Variants in COMMD1 observed in about 807,000 individuals in gnomAD.
The protein encoded by COMMD1 is copper metabolism domain containing 1.
Under a neutral mutation model 17.2 loss-of-function variants are expected in COMMD1, and 10 were observed. The ratio of observed to expected loss-of-function variants is 0.58; its 90% CI spans 0.36 to 0.99. The LOEUF (loss-of-function observed/expected upper bound fraction) is 0.99. COMMD1 is among the 50% of genes least tolerant of loss of function. COMMD1 has a pLI of 0.01. For synonymous variants in COMMD1, 97 were observed against 91.6 expected, an observed-to-expected ratio of 1.06 and a Z score of -0.34; for missense variants, 270 against 231.8, an observed-to-expected ratio of 1.17 and a Z score of -1.07.
rs375556782 is a variant in COMMD1 at position 61,984,003 on chromosome 2, TAGCC to T, written c.181-16695_181-16692del. Among the ~76,000 whole-genome samples, 302 of 152,324 alleles carry T rather than the reference TAGCC, an allele frequency of 2.0e-3. 2 individuals carry two copies. The highest frequency in any genetic ancestry group is 6.8e-3 in the African/African-American group (284 of 41,584). ...TTCTTCCTTAGTACTGCTTTCACTG[TAGCC>T]AGTAGGTTTTGGTTTGTTGTTGTTG... On this transcript the variant is annotated intron_variant, in intron 1 of 2. Coordinates refer to ENST00000311832, the MANE Select transcript of COMMD1 (RefSeq NM_152516.4).
At chr2:62,078,597 G>A (rs1016549314) in intron 2 of COMMD1, among the ~76,000 whole-genome samples, 6 of 149,106 alleles carry the variant, frequency 4.0e-5, no homozygotes, top group Non-Finnish European at 5.9e-5. Flanking sequence ...GGCCAGGCAC[G>A]GTGGCTCATG....
At chr2:62,082,460 C>T (rs1044296518) in intron 2 of COMMD1, among the ~76,000 whole-genome samples, 1 of 152,198 alleles carries the variant, frequency 6.6e-6, no homozygotes, top group Non-Finnish European at 1.5e-5. Flanking sequence ...TTAGATGACG[C>T]ACCCCATGGT....
chr2:62,120,020 C>A (rs1672702175), intron 2 of COMMD1, among the ~76,000 whole-genome samples: 1 of 151,988 alleles, frequency 6.6e-6, no homozygotes, highest in African/African-American at 2.4e-5. Context: ...CATTTCGAGA[C>A]AGGGTCTCAC....
rs574060089 is a variant in COMMD1, at chr2:62,092,895, G to C, written c.463-42936G>C. Among the ~76,000 whole-genome samples, 17 of 152,306 alleles carry C rather than the reference G, an allele frequency of 1.1e-4. No individual in the cohort carries two copies. In the South Asian group the frequency reaches 3.3e-3, roughly 30 times the overall value. ...GACCAGTGGGAGGGGTTTTGGCCAA[G>C]GGAGGTTAAAAGCCTCTGTCAACTT... On this transcript the variant is annotated intron_variant, in intron 2 of 2. Coordinates refer to ENST00000311832, the MANE Select transcript of COMMD1 (RefSeq NM_152516.4).
chr2:61,986,681 G>A (rs1333159555), intron 1 of COMMD1, among the ~76,000 whole-genome samples: 1 of 148,076 alleles, frequency 6.8e-6, no homozygotes, highest in Non-Finnish European at 1.5e-5. Flanking sequence ...GAATTCTCAT[G>A]CTTCAGCCTC....
At chr2:61,907,192 A>T (rs1006156220) in intron 1 of COMMD1, among the ~76,000 whole-genome samples, 2 of 151,682 alleles carry the variant, frequency 1.3e-5, no homozygotes, top group Non-Finnish European at 2.9e-5. Flanking sequence ...TGCAATCTCC[A>T]CCTCCTGGGG....
intron 1 of COMMD1, among the ~76,000 whole-genome samples, chr2:61,896,928 C>G (rs1669562860): frequency 6.6e-6 from 1 of 150,796 alleles, no homozygotes; most frequent in African/African-American, 2.4e-5. Flanking sequence ...CTCCCAGGTT[C>G]AAGTGATTCT....
chr2:62,020,453 C>T (rs1162690814), intron 2 of COMMD1, among the ~76,000 whole-genome samples: 4 of 152,056 alleles, frequency 2.6e-5, no homozygotes, highest in African/African-American at 9.7e-5. Context: ...GTGTAGATTC[C>T]TCTATCCACT....
chr2:62,043,660 A>G (rs555814781), intron 2 of COMMD1, among the ~76,000 whole-genome samples: 5 of 152,328 alleles, frequency 3.3e-5, no homozygotes, highest in Admixed American at 2.6e-4. Context: ...ACTCTCCTCT[A>G]AAATCTTGCT....
At chr2:61,924,198 C>T (rs1185439930) in intron 1 of COMMD1, among the ~76,000 whole-genome samples, 1 of 152,162 alleles carries the variant, frequency 6.6e-6, no homozygotes, top group Admixed American at 6.5e-5. Context: ...ATGGAGCCAC[C>T]CACTCTTACC....
intron 1 of COMMD1, among the ~76,000 whole-genome samples, chr2:61,968,162 G>GAA (rs142593859): frequency 2.0e-5 from 3 of 147,004 alleles, no homozygotes; most frequent in South Asian, 2.2e-4. Context: ...CTCCCTCTCA[G>GAA]AAAAAAAAAA....
rs1343322445 is a variant in COMMD1 at position 61,919,008 on chromosome 2, A to T, written c.180+13150A>T. On this transcript the variant is annotated intron_variant, in intron 1 of 2. Coordinates refer to ENST00000311832, the MANE Select transcript of COMMD1 (RefSeq NM_152516.4). ...CTGTTACCTGTGCTTTATTTGTAAG[A>T]TTAACTTTTTTTTTTCTTTTGAGAT... Among the ~76,000 whole-genome samples, 4 of 152,056 alleles carry T rather than the reference A, an allele frequency of 2.6e-5. No homozygotes were observed. The East Asian group carries it at 7.7e-4, about 29-fold the overall frequency.
chr2:62,008,988 T>G (rs1336349282), intron 2 of COMMD1, among the ~76,000 whole-genome samples: 1 of 152,148 alleles, frequency 6.6e-6, no homozygotes, highest in Non-Finnish European at 1.5e-5. Flanking sequence ...TTTACCATGT[T>G]GGCCAGGCTG....
intron 1 of COMMD1, among the ~76,000 whole-genome samples, chr2:61,929,011 A>G (rs13422009): frequency 2.4e-4 from 36 of 152,360 alleles, no homozygotes; most frequent in African/African-American, 8.2e-4. Context: ...TTATTAGCAA[A>G]AGAGATTTAC....
chr2:61,968,992 G>A, intron 1 of COMMD1: 2 of 427,812 alleles, frequency 4.7e-6, no homozygotes, highest in South Asian at 3.3e-5. Flanking sequence ...GTGTTGCCCA[G>A]GATAGAGTGC....
intron 1 of COMMD1, among the ~76,000 whole-genome samples, chr2:61,984,352 A>T (rs757003594): frequency 2.0e-5 from 3 of 152,222 alleles, no homozygotes; most frequent in Non-Finnish European, 4.4e-5. Flanking sequence ...TTGTTTCAAT[A>T]AATTTTTTAA....
intron 1 of COMMD1, among the ~76,000 whole-genome samples, chr2:61,932,445 T>A (rs1558526055): frequency 6.6e-6 from 1 of 152,186 alleles, no homozygotes; most frequent in Non-Finnish European, 1.5e-5. Context: ...TATATTCTTT[T>A]TTTGTTTTTT....
chr2:61,935,329 T>C (rs1353838487), intron 1 of COMMD1, among the ~76,000 whole-genome samples: 1 of 152,340 alleles, frequency 6.6e-6, no homozygotes, highest in East Asian at 1.9e-4. Flanking sequence ...TAGTTTTCTA[T>C]TGAAACGTAA....
chr2:62,047,943 C>G (rs1670427675), intron 2 of COMMD1, among the ~76,000 whole-genome samples: 1 of 152,054 alleles, frequency 6.6e-6, no homozygotes, highest in Non-Finnish European at 1.5e-5. Flanking sequence ...GAGCAATAGG[C>G]CATACCATGT....
Sources: gnomAD v4.1 joint callset for allele counts (sites outside exome capture counted in the v4.1 genomes callset) on GRCh38, gnomAD v4.1.1 for gene constraint, MANE v1.5 for transcripts, NCBI Gene and HGNC (gene_info 2026-07-23, HGNC 2026-07-21) for gene names.